TRAPPC8: variants seen among roughly 807,000 people sequenced by gnomAD.
TRAPPC8 encodes general sporulation gene 1 homolog.
In TRAPPC8, 54 loss-of-function variants were observed where a neutral mutation model predicts 174.3. The observed-to-expected ratio is 0.31, with a 90% CI of 0.25 to 0.39. TRAPPC8 has a LOEUF of 0.39. Among genes scored for constraint, TRAPPC8 ranks in the 10% least tolerant of loss-of-function variants. The pLI is 1.00. For synonymous variants in TRAPPC8, 630 were observed against 579.9 expected, an observed-to-expected ratio of 1.09 and a Z score of -1.24; for missense variants, 1,531 against 1,699.1, an observed-to-expected ratio of 0.90 and a Z score of 1.74.
intron 4 of TRAPPC8, among the ~76,000 whole-genome samples, chr18:31,915,887 A>AG (rs2037121069): frequency 2.7e-5 from 3 of 112,562 alleles, no homozygotes; most frequent in Admixed American, 1.1e-4. Context: ...ACTCCATCTC[A>AG]GAAAAAAAAA....
At chr18:31,831,867 ATT>A (rs1022024982) in intron 28 of TRAPPC8, among the ~76,000 whole-genome samples, 1 of 151,308 alleles carries the variant, frequency 6.6e-6, no homozygotes, top group South Asian at 2.1e-4. Context: ...GTGGATCTGG[ATT>A]TTTTTTTGTT....
chr18:31,871,840 T>C (rs529196965), intron 14 of TRAPPC8, among the ~76,000 whole-genome samples: 146 of 152,206 alleles, frequency 9.6e-4, no homozygotes, highest in South Asian at 1.7e-3. Context: ...CAAACAATGC[T>C]ACTATGAATA....
intron 26 of TRAPPC8, among the ~76,000 whole-genome samples, chr18:31,841,445 C>T (rs935787228): frequency 6.6e-6 from 1 of 151,964 alleles, no homozygotes; most frequent in Non-Finnish European, 1.5e-5. Flanking sequence ...GAGAAAGAAA[C>T]TATCTGATAC....
chr18:31,907,771 C>A (rs991360725), intron 8 of TRAPPC8, among the ~76,000 whole-genome samples, 161 bp from the exon 9 acceptor site: 4 of 152,058 alleles, frequency 2.6e-5, no homozygotes, highest in African/African-American at 9.7e-5. Flanking sequence ...CTCAAAAATA[C>A]CTGGAAACAG....
intron 12 of TRAPPC8, among the ~76,000 whole-genome samples, chr18:31,885,285 G>C (rs1799935270): frequency 6.6e-6 from 1 of 152,128 alleles, no homozygotes; most frequent in South Asian, 2.1e-4. Context: ...TACCGAATTT[G>C]AATCTCATCA....
chr18:31,924,703 ACT>A (rs1275305196), intron 2 of TRAPPC8, among the ~76,000 whole-genome samples: 1 of 140,508 alleles, frequency 7.1e-6, no homozygotes, highest in Non-Finnish European at 1.5e-5. Context: ...GCACCACTGC[ACT>A]CCAGCCTGGG....
chr18:31,937,174 C>T (rs533871081), intron 1 of TRAPPC8, among the ~76,000 whole-genome samples: 8 of 152,276 alleles, frequency 5.3e-5, no homozygotes, highest in Admixed American at 5.2e-4. Flanking sequence ...AGACGCACCA[C>T]TGCACTCCAG....
chr18:31,936,174 T>G (rs76268141), intron 1 of TRAPPC8, among the ~76,000 whole-genome samples: 8,943 of 151,958 alleles, frequency 0.059, 280 homozygotes, highest in Middle Eastern at 0.11. Flanking sequence ...TAAAAAACCC[T>G]CTGGCTGGGT....
At chr18:31,916,819 C>A (rs1231509700) in intron 3 of TRAPPC8, among the ~76,000 whole-genome samples, 1 of 147,074 alleles carries the variant, frequency 6.8e-6, no homozygotes, top group Non-Finnish European at 1.5e-5. Flanking sequence ...TAGGCATGAG[C>A]CACCGTGCCC....
chr18:31,854,498 A>G lies in TRAPPC8; in HGVS notation c.3337-553T>C, dbSNP rs539878668. 1.8e-4 allele frequency among the ~76,000 whole-genome samples: 27 copies of G among 152,308 alleles called. 2 individuals carry two copies. In the South Asian group the frequency reaches 5.6e-3, roughly 32 times the overall value. ...TATTGATTTTTGGGGGGAGATCACCAAAGTACAGCACATTAGCCCTAAATA... is the reference window on the plus strand; with the variant it reads ...TATTGATTTTTGGGGGGAGATCACCGAAGTACAGCACATTAGCCCTAAATA... On this transcript the variant is annotated intron_variant, in intron 21 of 28. Transcript: ENST00000283351.
intron 12 of TRAPPC8, among the ~76,000 whole-genome samples, chr18:31,888,778 G>A (rs780054442): frequency 2.0e-5 from 3 of 152,144 alleles, no homozygotes; most frequent in Non-Finnish European, 2.9e-5. Context: ...GGTGGGAGAG[G>A]GAAAGCATCA....
At chr18:31,856,346 A>G (rs1453679276) in intron 20 of TRAPPC8, among the ~76,000 whole-genome samples, 2 of 152,052 alleles carry the variant, frequency 1.3e-5, no homozygotes, top group African/African-American at 4.8e-5. Flanking sequence ...TTTCTAGGAT[A>G]TTTAGGGTTA....
Position 31,830,892 on chromosome 18 carries a change from T to G in TRAPPC8, c.4171A>C (p.Lys1391Gln), listed in dbSNP as rs756937872. 6.2e-7 allele frequency: 1 copy of G among 1,614,242 alleles called. No individual in the cohort carries two copies. Among genetic ancestry groups the G allele is most frequent in the Admixed American group, 1.7e-5 (1 of 60,026 alleles). Residue 1391 changes from lysine (K) to glutamine (Q), a missense_variant, in exon 29 of 29, where the codon AAA becomes CAA. By Grantham distance (53) the Lys-to-Gln change is moderately conservative. Transcript: ENST00000283351. ...KSQEIHSLQL[K>Q]ACFVHTGVYN... ...ACACCTGTATGAACAAAGCATGCTT[T>G]CAGCTGCAGACTGTGAATCTCCTGG...
chr18:31,880,632 A>G (rs1008716730), intron 12 of TRAPPC8, among the ~76,000 whole-genome samples: 6 of 152,132 alleles, frequency 3.9e-5, no homozygotes, highest in Non-Finnish European at 5.9e-5. Flanking sequence ...TCTATTCAAC[A>G]TAGTACTAGA....
chr18:31,919,533 AAAATAAATAAAT>A (rs200943530), intron 2 of TRAPPC8, among the ~76,000 whole-genome samples: 5,328 of 115,574 alleles, frequency 0.046, 163 homozygotes, highest in Middle Eastern at 0.13. Flanking sequence ...ACTCAGTCTC[AAAATAAATAAAT>A]AAATAAATAA....
intron 12 of TRAPPC8, among the ~76,000 whole-genome samples, chr18:31,885,954 T>C (rs1489445430): frequency 6.6e-6 from 1 of 151,602 alleles, no homozygotes; most frequent in Admixed American, 6.6e-5. Context: ...AAAAGAAAAA[T>C]TTCTGAACGG....
intron 1 of TRAPPC8, 96 bp downstream of exon 1, chr18:31,942,512 G>T: frequency 7.2e-7 from 1 of 1,385,230 alleles, no homozygotes; most frequent in Non-Finnish European, 9.5e-7. Flanking sequence ...GCTCCAGGAC[G>T]TAAACACTGC....
intron 2 of TRAPPC8, among the ~76,000 whole-genome samples, chr18:31,925,236 G>T (rs534866114): frequency 6.8e-6 from 1 of 147,836 alleles, no homozygotes; most frequent in Admixed American, 6.7e-5. Context: ...AAAATAATAC[G>T]AATGAAAAAA....
intron 27 of TRAPPC8, among the ~76,000 whole-genome samples, chr18:31,838,282 T>C (rs1199541206): frequency 1.3e-5 from 2 of 152,228 alleles, no homozygotes; most frequent in Admixed American, 1.3e-4. Context: ...CCCTTTACTC[T>C]TATCTCCTAG....
Sources: gnomAD v4.1 joint callset for allele counts (sites outside exome capture counted in the v4.1 genomes callset) on GRCh38, gnomAD v4.1.1 for gene constraint, MANE v1.5 for transcripts, NCBI Gene and HGNC (gene_info 2026-07-23, HGNC 2026-07-21) for gene names.